Variants in PCDHA3 observed in about 807,000 individuals in gnomAD.
PCDHA3 encodes the protein protocadherin alpha-3.
In PCDHA3, 41 loss-of-function variants were observed where a neutral mutation model predicts 62.2. The observed-to-expected ratio is 0.66, with a 90% CI of 0.51 to 0.86. The LOEUF (loss-of-function observed/expected upper bound fraction) is 0.86. PCDHA3 is among the 40% of genes least tolerant of loss of function. The pLI is 0.00. For missense variants in PCDHA3, 1,304 were observed against 1,241.2 expected (o/e 1.05, Z -0.76); for synonymous variants, 640 against 555.4 (o/e 1.15, Z -2.14).
At chr5:140,937,399 T>C (rs2091517737) in intron 1 of PCDHA3, among the ~76,000 whole-genome samples, 1 of 152,226 alleles carries the variant, frequency 6.6e-6, no homozygotes, top group African/African-American at 2.4e-5. Context: ...TATAGGGGTA[T>C]TGCACAACTT....
intron 1 of PCDHA3, chr5:140,836,172 G>A (rs782290158): frequency 6.2e-7 from 1 of 1,613,766 alleles, no homozygotes; most frequent in Non-Finnish European, 8.5e-7. Flanking sequence ...GGTACGTGCA[G>A]TTGACGCTGA....
intron 1 of PCDHA3, chr5:140,836,934 A>G (rs904378131): frequency 1.9e-5 from 9 of 477,852 alleles, no homozygotes; most frequent in Non-Finnish European, 2.9e-5. Context: ...GCGTAATACT[A>G]TAGATCAAAA....
At chr5:140,971,845 G>C (rs370364575) in intron 1 of PCDHA3, among the ~76,000 whole-genome samples, 1 of 151,934 alleles carries the variant, frequency 6.6e-6, no homozygotes, top group Non-Finnish European at 1.5e-5. Flanking sequence ...CAAGTCATGC[G>C]TTAAATATTT....
rs2150255716 is a variant in PCDHA3 at position 140,836,221 on chromosome 5, C to T, written c.2394+32630C>T. ...GCGTGGCTTTCGTATGAGTTGCAAC[C>T]GGTGGCGGCCGGTGCGAGCATCCCG... On this transcript the variant is annotated intron_variant, in intron 1 of 3. Transcript: ENST00000522353. 9.9e-6 allele frequency: 16 copies of T among 1,613,802 alleles called. No homozygotes were observed. In the Admixed American group the frequency reaches 2.0e-4, roughly 20 times the overall value.
At chr5:140,890,854 T>C (rs1320462436) in intron 1 of PCDHA3, among the ~76,000 whole-genome samples, 1 of 152,232 alleles carries the variant, frequency 6.6e-6, no homozygotes, top group African/African-American at 2.4e-5. Context: ...TTTCTCTTCC[T>C]TACTTCTTGC....
chr5:140,883,445 G>A, intron 1 of PCDHA3: 1 of 1,614,164 alleles, frequency 6.2e-7, no homozygotes, highest in South Asian at 1.1e-5. Flanking sequence ...GACGCCGCAT[G>A]TCCCCTTCAA....
Position 140,823,081 on chromosome 5 carries a change from G to A in PCDHA3, c.2394+19490G>A, listed in dbSNP as rs2150122016. On this transcript the variant is annotated intron_variant, in intron 1 of 3. Transcript: ENST00000522353. ...GGACGGGGGCTCGCCTTCGCTGTGG[G>A]CCACCGCCAGCGTGTCTGTGGAAGT... 282 of 1,613,818 alleles carry A rather than the reference G, an allele frequency of 1.7e-4. 1 individual carries two copies. The highest frequency in any genetic ancestry group is 2.2e-4 in the Non-Finnish European group (265 of 1,180,014).
intron 1 of PCDHA3, chr5:140,869,970 A>G: frequency 3.7e-6 from 6 of 1,613,166 alleles, no homozygotes; most frequent in Non-Finnish European, 5.1e-6. Context: ...CCAATGGAAG[A>G]CACTTATTTA....
intron 1 of PCDHA3, among the ~76,000 whole-genome samples, chr5:140,921,856 G>A (rs2080440097): frequency 6.6e-6 from 1 of 151,824 alleles, no homozygotes; most frequent in Non-Finnish European, 1.5e-5. Flanking sequence ...AGATGTGTGT[G>A]TATATATACA....
chr5:140,879,744 A>T (rs1356373675), intron 1 of PCDHA3, among the ~76,000 whole-genome samples: 1 of 152,212 alleles, frequency 6.6e-6, no homozygotes, highest in Admixed American at 6.5e-5. Flanking sequence ...AGGTGTTGTC[A>T]AGGCTATACT....
At chr5:140,911,338 A>G (rs1562979911) in intron 1 of PCDHA3, among the ~76,000 whole-genome samples, 1 of 152,040 alleles carries the variant, frequency 6.6e-6, no homozygotes, top group African/African-American at 2.4e-5. Context: ...TTTTCCAATC[A>G]ATGCCCTCAT....
At chr5:140,880,812 G>C (rs782505360) in intron 1 of PCDHA3, among the ~76,000 whole-genome samples, 2 of 152,200 alleles carry the variant, frequency 1.3e-5, no homozygotes, top group Non-Finnish European at 2.9e-5. Flanking sequence ...AATGACTCTA[G>C]AGTGTCTGGA....
chr5:140,913,448 G>A (rs185287281), intron 1 of PCDHA3, among the ~76,000 whole-genome samples: 8 of 152,012 alleles, frequency 5.3e-5, no homozygotes, highest in African/African-American at 1.2e-4. Flanking sequence ...TTTCAGCTCC[G>A]ATTTTATTTA....
chr5:140,853,968 T>C lies in PCDHA3; in HGVS notation c.2394+50377T>C. On this transcript the variant is annotated intron_variant, in intron 1 of 3. Transcript: ENST00000522353. ...AGGGTCCCTTCCTTGAGCCCAGCAG[T>C]TTGAGACCAATGTAGTGAGACTCAT... 9 of 656,022 alleles carry C rather than the reference T, an allele frequency of 1.4e-5. 1 individual carries two copies. The highest frequency in any genetic ancestry group is 1.7e-5 in the Non-Finnish European group (9 of 516,032). 40.6% of individuals were successfully genotyped at this position (656,022 alleles called of 1,614,324 possible).
rs76093196 is a variant in PCDHA3, at chr5:140,971,173, C to G, written c.2395-7776C>G. Reference sequence around the variant, plus strand: ...AGGCCAGGCTCAGCTTTGCCACCAGCTGTAAGCCGGAAGCTCAGAGGAAAG... The same window carrying G: ...AGGCCAGGCTCAGCTTTGCCACCAGGTGTAAGCCGGAAGCTCAGAGGAAAG... On this transcript the variant is annotated intron_variant, in intron 1 of 3. Transcript: ENST00000522353. Among the ~76,000 whole-genome samples the G allele has an allele frequency of 3.8e-3, 583 of 152,260 alleles. 1 individual carries two copies. Among genetic ancestry groups the G allele is most frequent in the Non-Finnish European group, 7.2e-3 (492 of 68,018 alleles).
chr5:140,886,127 C>T (rs1308479455), intron 1 of PCDHA3, among the ~76,000 whole-genome samples: 5 of 152,172 alleles, frequency 3.3e-5, no homozygotes, highest in African/African-American at 1.2e-4. Flanking sequence ...AGTTCCGTAA[C>T]AACCAGATTC....
At chr5:140,913,759 G>A (rs782668286) in intron 1 of PCDHA3, among the ~76,000 whole-genome samples, 1 of 151,994 alleles carries the variant, frequency 6.6e-6, no homozygotes, top group African/African-American at 2.4e-5. Context: ...GTATCTCATA[G>A]GTTTTGGCAT....
intron 1 of PCDHA3, chr5:140,927,843 CTT>C (rs1563097902): frequency 4.3e-6 from 7 of 1,614,186 alleles, no homozygotes; most frequent in African/African-American, 2.7e-5. Flanking sequence ...ACGAAGGTGT[CTT>C]TGGTTTAGCT....
intron 1 of PCDHA3, chr5:140,929,214 G>A: frequency 1.2e-6 from 2 of 1,614,076 alleles, no homozygotes; most frequent in Non-Finnish European, 1.7e-6. Context: ...TGCGTGGGGA[G>A]TACAATGCTG....
Sources: allele counts gnomAD v4.1 joint callset (sites outside exome capture counted in the v4.1 genomes callset), GRCh38; gene constraint gnomAD v4.1.1; transcripts MANE v1.5; gene names NCBI Gene and HGNC (gene_info 2026-07-23, HGNC 2026-07-21).